The following SAMD8 variants were observed in gnomAD, a reference collection of about 807,000 sequenced individuals.
SAMD8 encodes sterile alpha motif domain containing 8, also known as sphingomyelin synthase-related protein 1.
In SAMD8, 20 loss-of-function variants were observed where a neutral mutation model predicts 42.0. The observed-to-expected ratio is 0.48, with a 90% CI of 0.34 to 0.69. The LOEUF is 0.69. Among genes scored for constraint, SAMD8 ranks in the 30% least tolerant of loss-of-function variants. The pLI is 0.01. For synonymous variants in SAMD8, 162 were observed against 173.0 expected, an observed-to-expected ratio of 0.94 and a Z score of 0.50; for missense variants, 328 against 511.6, an observed-to-expected ratio of 0.64 and a Z score of 3.46.
intron 1 of SAMD8, among the ~76,000 whole-genome samples, chr10:75,117,832 A>G (rs1447570898): frequency 6.6e-6 from 1 of 152,256 alleles, no homozygotes; most frequent in Non-Finnish European, 1.5e-5. Flanking sequence ...TTGCTGTGGC[A>G]TTGCAGCCAG....
upstream of SAMD8, chr10:75,107,873 G>A (rs576432270): frequency 7.8e-4 from 959 of 1,230,866 alleles, 1 homozygote; most frequent in Non-Finnish European, 1.0e-3. Context: ...CACCACACAC[G>A]GCCTAAGCAG....
chr10:75,169,711 A>G (rs1037261837), intron 4 of SAMD8, among the ~76,000 whole-genome samples: 6 of 152,094 alleles, frequency 3.9e-5, no homozygotes, highest in South Asian at 2.1e-4. Flanking sequence ...GTCAGGAGTT[A>G]AAGACCCAGC....
chr10:75,147,344 T>C (rs1464404074), intron 1 of SAMD8, among the ~76,000 whole-genome samples: 1 of 152,172 alleles, frequency 6.6e-6, no homozygotes, highest in Non-Finnish European at 1.5e-5. Context: ...TTTTTATTTT[T>C]GAGACGGAGT....
At chr10:75,125,889 GA>G (rs1292421646) in intron 1 of SAMD8, 2 of 152,200 alleles carry the variant, frequency 1.3e-5, no homozygotes, top group African/African-American at 4.8e-5. Flanking sequence ...ACTCCTTAAG[GA>G]CTGAAGAAAA....
At chr10:75,141,510 T>G (rs1466471285) in intron 1 of SAMD8, among the ~76,000 whole-genome samples, 1 of 151,942 alleles carries the variant, frequency 6.6e-6, no homozygotes, top group Non-Finnish European at 1.5e-5. Flanking sequence ...GAGTTTTATT[T>G]CTTCCTTTTT....
In SAMD8 at chr10:75,151,107, G is replaced by T. The variant is rs1564688374; in HGVS notation, c.578+1G>T. On this transcript the variant is annotated splice_donor_variant, in intron 2 of 5. Coordinates refer to ENST00000542569, the MANE Select transcript of SAMD8 (RefSeq NM_001174156.2). LOFTEE classifies it high-confidence loss of function. The stretch of plus-strand genomic sequence containing the variant: ...CACTCCCAGATATATTCTTAGACAG[G>T]TAAGTTTTGTTTCTAGTTGCTAAGT... 1 of 1,460,460 alleles carries T rather than the reference G, an allele frequency of 6.8e-7. No homozygotes were observed. Among genetic ancestry groups the T allele is most frequent in the Non-Finnish European group, 9.1e-7 (1 of 1,102,708 alleles). The allele number at this position is 1,460,460 out of a possible 1,614,324, so 90.5% of individuals were successfully genotyped here.
At chr10:75,111,433 G>T (rs1286251792), upstream of SAMD8, 1 of 1,050,072 alleles carries the variant, frequency 9.5e-7, no homozygotes, top group Admixed American at 4.4e-5. Context: ...TTTCCAGTGT[G>T]GGCCCCGCCC....
upstream of SAMD8, chr10:75,108,179 C>T: frequency 6.2e-7 from 1 of 1,611,452 alleles, no homozygotes; most frequent in Admixed American, 1.7e-5. Flanking sequence ...TGCCCAGCTT[C>T]CACAGCTCAA....
In SAMD8 at chr10:75,165,262, C is replaced by T. The variant is rs901743415; in HGVS notation, c.674+522C>T. ...CTGAGATAAGAAAGCCTTTTCTTTC[C>T]TTAGAAACAAACTGGAAAAGTTACT... On this transcript the variant is annotated intron_variant, in intron 3 of 5. Coordinates refer to ENST00000542569, the MANE Select transcript of SAMD8 (RefSeq NM_001174156.2). Among the ~76,000 whole-genome samples the T allele has an allele frequency of 9.2e-5, 14 of 152,214 alleles. No homozygotes were observed. In the East Asian group the frequency reaches 2.1e-3, roughly 23 times the overall value.
In SAMD8 at chr10:75,147,460, A is replaced by G. The variant is rs144584295; in HGVS notation, c.-15-3054A>G. On this transcript the variant is annotated intron_variant, in intron 1 of 5. Coordinates refer to ENST00000542569, the MANE Select transcript of SAMD8 (RefSeq NM_001174156.2). ...TCTGCCTCAACCTCCCTAGTAGCTG[A>G]GATTACAGGCGCCCGCCACCATGCC... is the stretch of plus-strand genomic sequence containing the variant. Among the ~76,000 whole-genome samples the G allele has an allele frequency of 5.0e-3, 758 of 152,120 alleles. 4 individuals carry two copies. Among genetic ancestry groups the G allele is most frequent in the African/African-American group, 0.017 (723 of 41,494 alleles).
chr10:75,120,313 C>T (rs1477797529), intron 1 of SAMD8, among the ~76,000 whole-genome samples: 1 of 152,048 alleles, frequency 6.6e-6, no homozygotes, highest in Non-Finnish European at 1.5e-5. Flanking sequence ...GCTCTATTGC[C>T]CAGGCTGGAG....
intron 1 of SAMD8, among the ~76,000 whole-genome samples, chr10:75,149,123 G>A (rs1840220084): frequency 1.3e-5 from 2 of 151,982 alleles, no homozygotes; most frequent in South Asian, 4.1e-4. Context: ...ATCTTCAGAG[G>A]TCTGGAAAGT....
chr10:75,155,026 C>T (rs747980215), intron 2 of SAMD8, among the ~76,000 whole-genome samples: 3 of 152,150 alleles, frequency 2.0e-5, no homozygotes, highest in East Asian at 3.9e-4. Context: ...CGAGTCACTA[C>T]GACTGCAGGT....
intron 1 of SAMD8, among the ~76,000 whole-genome samples, chr10:75,100,518 C>T (rs1183083938): frequency 6.6e-6 from 1 of 152,202 alleles, no homozygotes; most frequent in African/African-American, 2.4e-5. Flanking sequence ...GAGACTTGGT[C>T]TTCGGAGGGC....
In SAMD8 at chr10:75,131,294, G is replaced by C. The variant is rs543728684; in HGVS notation, c.-15-19220G>C. ...CTGCTTCTGGTTTGTATAACATTGA[G>C]TCTTCGAGGTGCCTTTGCACACATC... On this transcript the variant is annotated intron_variant, in intron 1 of 5. Coordinates refer to ENST00000542569, the MANE Select transcript of SAMD8 (RefSeq NM_001174156.2). 1.1e-3 allele frequency among the ~76,000 whole-genome samples: 170 copies of C among 152,236 alleles called. 1 individual carries two copies. The highest frequency in any genetic ancestry group is 2.1e-3 in the Non-Finnish European group (144 of 68,018).
rs891999549 is a variant in SAMD8, at chr10:75,105,632, A to C, written c.-16+5904A>C. The C allele has an allele frequency of 1.9e-6, 3 of 1,541,224 alleles. No individual in the cohort carries two copies. In the African/African-American group the frequency reaches 4.1e-5, roughly 21 times the overall value. On this transcript the variant is annotated intron_variant, in intron 1 of 3. Transcript: ENST00000447533. ...CTCACCTGGCCTCTTCCGGCCAACC[A>C]CATCCAGCTTTGCCCCCTGAGGCCT...
chr10:75,100,769 C>T (rs1848111085), intron 1 of SAMD8, among the ~76,000 whole-genome samples: 1 of 152,208 alleles, frequency 6.6e-6, no homozygotes, highest in Admixed American at 6.5e-5. Flanking sequence ...AGTCCATGCA[C>T]TTCTTTTCTG....
At chr10:75,129,215 A>G (rs1849219046) in intron 1 of SAMD8, among the ~76,000 whole-genome samples, 1 of 151,076 alleles carries the variant, frequency 6.6e-6, no homozygotes, top group African/African-American at 2.4e-5. Flanking sequence ...GGAAGTCCCC[A>G]GCTCAAGTGA....
At chr10:75,165,294 A>G (rs1357913476) in intron 3 of SAMD8, among the ~76,000 whole-genome samples, 1 of 152,172 alleles carries the variant, frequency 6.6e-6, no homozygotes, top group Non-Finnish European at 1.5e-5. Flanking sequence ...TACTTTCTGT[A>G]GGATAGAAAC....
Sources: allele counts gnomAD v4.1 joint callset (sites outside exome capture counted in the v4.1 genomes callset), GRCh38; gene constraint gnomAD v4.1.1; transcripts MANE v1.5; gene names NCBI Gene and HGNC (gene_info 2026-07-23, HGNC 2026-07-21).